PKIB: variants seen among roughly 807,000 people sequenced by gnomAD.
The protein encoded by PKIB is cAMP-dependent protein kinase inhibitor beta, also known as PKI-beta.
Under a neutral mutation model 4.5 loss-of-function variants are expected in PKIB, and 2 were observed. The ratio of observed to expected loss-of-function variants is 0.44; its 90% CI spans 0.18 to 1.39. The LOEUF is 1.39. Among genes scored for constraint, PKIB ranks in the 40% most tolerant of loss-of-function variants. The pLI is 0.27. For synonymous variants in PKIB, 38 were observed against 36.0 expected, an observed-to-expected ratio of 1.06 and a Z score of -0.20; for missense variants, 94 against 92.6, an observed-to-expected ratio of 1.02 and a Z score of -0.06.
At chr6:122,491,151 C>A (rs1252384483) in intron 2 of PKIB, among the ~76,000 whole-genome samples, 3 of 152,112 alleles carry the variant, frequency 2.0e-5, no homozygotes, top group African/African-American at 7.2e-5. Flanking sequence ...GGGGTTTGAC[C>A]TTTTGACTTG....
chr6:122,573,652 A>G (rs1773439785), intron 2 of PKIB, among the ~76,000 whole-genome samples: 1 of 152,328 alleles, frequency 6.6e-6, no homozygotes, highest in Middle Eastern at 3.4e-3. Context: ...GATACATCAC[A>G]TAAACAGGAT....
At chr6:122,578,673 A>G (rs936422726) in intron 2 of PKIB, among the ~76,000 whole-genome samples, 6 of 152,198 alleles carry the variant, frequency 3.9e-5, no homozygotes, top group East Asian at 1.9e-4. Flanking sequence ...CACATTGTGC[A>G]TGGTTAATAA....
intron 2 of PKIB, among the ~76,000 whole-genome samples, chr6:122,582,824 A>T (rs536509942): frequency 4.6e-5 from 7 of 152,084 alleles, no homozygotes; most frequent in African/African-American, 1.7e-4. Context: ...TATGTATCCC[A>T]AGACCTAAAA....
intron 2 of PKIB, among the ~76,000 whole-genome samples, chr6:122,637,415 C>T (rs778585018): frequency 6.6e-6 from 1 of 152,096 alleles, no homozygotes; most frequent in Non-Finnish European, 1.5e-5. Context: ...AGGCACACAG[C>T]ATCACAGAAA....
At chr6:122,534,898 T>G (rs955885793) in intron 2 of PKIB, among the ~76,000 whole-genome samples, 1 of 152,160 alleles carries the variant, frequency 6.6e-6, no homozygotes, top group Non-Finnish European at 1.5e-5. Flanking sequence ...AGGAAAGAGT[T>G]TCAGCGAATA....
chr6:122,527,962 G>A (rs1256921290), intron 2 of PKIB, among the ~76,000 whole-genome samples: 1 of 152,046 alleles, frequency 6.6e-6, no homozygotes, highest in African/African-American at 2.4e-5. Flanking sequence ...ATTCACTATT[G>A]AAAGTATTGA....
chr6:122,541,828 C>T lies in PKIB; in HGVS notation c.-247-44093C>T, dbSNP rs559828741. 3.9e-5 allele frequency among the ~76,000 whole-genome samples: 6 copies of T among 151,920 alleles called. No homozygotes were observed. The East Asian group carries it at 7.7e-4, about 20-fold the overall frequency. ...GTCATTTTCAGGTACACCAATCAGA[C>T]GTAGATTTGGTCTTTTCACATAGTC... On this transcript the variant is annotated intron_variant, in intron 2 of 6. Transcript: ENST00000392491.
chr6:122,559,709 A>G (rs1434028556), intron 2 of PKIB, among the ~76,000 whole-genome samples: 3 of 152,100 alleles, frequency 2.0e-5, no homozygotes, highest in Non-Finnish European at 4.4e-5. Flanking sequence ...TGTGTCATCT[A>G]TGATTTCTTT....
intron 1 of PKIB, among the ~76,000 whole-genome samples, chr6:122,632,410 G>A (rs1775739438): frequency 6.6e-6 from 1 of 152,132 alleles, no homozygotes; most frequent in East Asian, 1.9e-4. Context: ...CATTTACTAT[G>A]TGTCTGCTCA....
At chr6:122,593,100 G>C (rs541082804) in intron 3 of PKIB, among the ~76,000 whole-genome samples, 64 of 152,242 alleles carry the variant, frequency 4.2e-4, no homozygotes, top group African/African-American at 1.5e-3. Flanking sequence ...GCCATAAATT[G>C]TCCCTTTACT....
At chr6:122,644,381 A>G (rs542654546) in intron 2 of PKIB, 1 of 152,344 alleles carries the variant, frequency 6.6e-6, no homozygotes, top group African/African-American at 2.4e-5. Flanking sequence ...TTCTGGCTAC[A>G]GGAGCCTCAG....
At chr6:122,524,863 A>G (rs918943317) in intron 2 of PKIB, among the ~76,000 whole-genome samples, 3 of 150,498 alleles carry the variant, frequency 2.0e-5, no homozygotes, top group Non-Finnish European at 4.4e-5. Context: ...CTTTTTTTTA[A>G]CATAATCTGC....
intron 1 of PKIB, among the ~76,000 whole-genome samples, chr6:122,475,347 T>A (rs192757692): frequency 6.6e-6 from 1 of 152,354 alleles, no homozygotes; most frequent in African/African-American, 2.4e-5. Context: ...CCACCTCTTG[T>A]AATTCCTGTT....
intron 3 of PKIB, among the ~76,000 whole-genome samples, chr6:122,600,393 A>T (rs1478125142): frequency 6.6e-6 from 1 of 152,210 alleles, no homozygotes; most frequent in Non-Finnish European, 1.5e-5. Context: ...GTTTGTATCC[A>T]TCAATCCAAT....
chr6:122,636,076 C>G (rs1443598188), intron 2 of PKIB, among the ~76,000 whole-genome samples: 3 of 151,942 alleles, frequency 2.0e-5, no homozygotes, highest in Admixed American at 1.3e-4. Flanking sequence ...CACAACAACC[C>G]TAGGAGATAT....
At chr6:122,560,706 T>C (rs1772987906) in intron 2 of PKIB, among the ~76,000 whole-genome samples, 1 of 152,114 alleles carries the variant, frequency 6.6e-6, no homozygotes, top group South Asian at 2.1e-4. Flanking sequence ...TAAATTACCA[T>C]TTTAATCTCG....
intron 2 of PKIB, among the ~76,000 whole-genome samples, chr6:122,656,567 C>T (rs536885293): frequency 1.3e-5 from 2 of 152,246 alleles, no homozygotes; most frequent in East Asian, 3.9e-4. Flanking sequence ...ATCTGGCTGT[C>T]ACTGCCCCTG....
chr6:122,703,216 T>C (rs1295245654), intron 3 of PKIB, among the ~76,000 whole-genome samples: 1 of 152,204 alleles, frequency 6.6e-6, no homozygotes, highest in Non-Finnish European at 1.5e-5. Context: ...ATGATATTGT[T>C]ATTACTATTT....
intron 3 of PKIB, among the ~76,000 whole-genome samples, chr6:122,590,351 G>T (rs1157716334): frequency 6.6e-6 from 1 of 152,078 alleles, no homozygotes; most frequent in Non-Finnish European, 1.5e-5. Context: ...TTGAAACCTG[G>T]TTCCACCATT....
Sources: gnomAD v4.1 joint callset for allele counts (sites outside exome capture counted in the v4.1 genomes callset) on GRCh38, gnomAD v4.1.1 for gene constraint, MANE v1.5 for transcripts, NCBI Gene and HGNC (gene_info 2026-07-23, HGNC 2026-07-21) for gene names.